The following LORICRIN variants were observed in gnomAD, a reference collection of about 807,000 sequenced individuals.
LORICRIN encodes loricrin cornified envelope precursor protein.
Under a neutral mutation model 3.3 loss-of-function variants are expected in LORICRIN, and 5 were observed. The ratio of observed to expected loss-of-function variants is 1.52; its 90% CI spans 0.79 to 3.19. LORICRIN has a LOEUF of 3.19. LORICRIN is among the 30% of genes most tolerant of loss of function. The pLI is 0.00. For missense variants in LORICRIN, 524 were observed against 460.2 expected, an observed-to-expected ratio of 1.14 and a Z score of -1.27; for synonymous variants, 237 against 231.4, an observed-to-expected ratio of 1.02 and a Z score of -0.22.
Position 153,261,712 on chromosome 1 carries a change from G to A in LORICRIN, c.763G>A (p.Gly255Ser), listed in dbSNP as rs769886857. Residue 255 changes from glycine (G) to serine (S), a missense_variant, in exon 2 of 2, where the codon GGC becomes AGC. Gly to Ser is a moderately conservative substitution (Grantham distance 56). Transcript: ENST00000368742. ...GGGGSSGCGGGSSGIGSGCII... is the reference protein window; with the variant it reads ...GGGGSSGCGGSSSGIGSGCII... ...CGGCGGGAGCTCCGGCTGCGGCGGCGGCTCCTCCGGGATTGGCAGCGGCTG... is the reference window on the plus strand; with the variant it reads ...CGGCGGGAGCTCCGGCTGCGGCGGCAGCTCCTCCGGGATTGGCAGCGGCTG... 3.2e-6 allele frequency: 5 copies of A among 1,539,520 alleles called. No individual in the cohort carries two copies. Among genetic ancestry groups the A allele is most frequent in the South Asian group, 2.4e-5 (2 of 82,082 alleles).
chr1:153,261,713 G>C lies in LORICRIN; in HGVS notation c.764G>C (p.Gly255Ala), dbSNP rs1320701605. ...GGCGGGAGCTCCGGCTGCGGCGGCG[G>C]CTCCTCCGGGATTGGCAGCGGCTGC... ...GGGGSSGCGG[G>A]SSGIGSGCII... Residue 255 changes from glycine to alanine, a missense_variant, in exon 2 of 2, where the codon GGC becomes GCC. Coordinates refer to ENST00000368742, the MANE Select transcript of LORICRIN (RefSeq NM_000427.3). 2 of 1,543,910 alleles carry C rather than the reference G, an allele frequency of 1.3e-6. No homozygotes were observed. The highest frequency in any genetic ancestry group is 1.7e-6 in the Non-Finnish European group (2 of 1,155,488).
In LORICRIN at chr1:153,261,193, G is replaced by A; in HGVS notation, c.244G>A (p.Gly82Arg). ...GGGGGIGGCG[G>R]GSGGSVKYSG... ...CGGGGGCGGCATTGGAGGCTGCGGA[G>A]GGGGCTCCGGTGGGAGCGTCAAGTA... Residue 82 changes from glycine (G) to arginine (R), a missense_variant, in exon 2 of 2, where the codon GGG becomes AGG. Physicochemically the swap from Gly to Arg is moderately radical, Grantham distance 125 (BLOSUM62 -2). Coordinates refer to ENST00000368742, the MANE Select transcript of LORICRIN (RefSeq NM_000427.3). 1 of 1,338,644 alleles carries A rather than the reference G, an allele frequency of 7.5e-7. No homozygotes were observed. The highest frequency in any genetic ancestry group is 1.8e-5 in the South Asian group (1 of 55,680). The allele number at this position is 1,338,644 out of a possible 1,614,324, so 82.9% of individuals were successfully genotyped here. A position where few individuals can be genotyped will look rare whatever the true frequency, so the allele number is the denominator to read the frequency against.
chr1:153,260,668 C>G (rs1658744808), intron 1 of LORICRIN, among the ~76,000 whole-genome samples: 1 of 152,186 alleles, frequency 6.6e-6, no homozygotes. Context: ...GCCCTCAAAT[C>G]ACACAACAGT....
At position 153,261,883 on chromosome 1, in the gene LORICRIN, A is replaced by G; in HGVS notation, c.934A>G (p.Lys312Glu). 3 of 1,611,098 alleles carry G rather than the reference A, an allele frequency of 1.9e-6. 1 individual carries two copies. Among genetic ancestry groups the G allele is most frequent in the South Asian group, 2.2e-5 (2 of 90,524 alleles). Reference sequence around the variant, plus strand: ...GAAGCAGGCGCCTACCTGGCCGTCCAAATAGATCCCCCAGGGTACCACGGA... The same window carrying G: ...GAAGCAGGCGCCTACCTGGCCGTCCGAATAGATCCCCCAGGGTACCACGGA... ...QQKQAPTWPS[K>E] Residue 312 changes from lysine (K) to glutamate (E), a missense_variant, in exon 2 of 2, where the codon AAA becomes GAA. Transcript: ENST00000368742.
rs1273657847 is a variant in LORICRIN at position 153,261,405 on chromosome 1, G to C, written c.456G>C (p.Ser152=). ...TCTCCTCCGGCGGCGGCGGCTTCTC[G>C]GGCCAGGCGGTCCAGTGCCAGAGCT... ...GCFSSGGGGF[S]GQAVQCQSYG... is the part of the protein sequence containing the mutation. The change falls in exon 2 of 2, where the codon TCG becomes TCC. Residue 152 remains serine (S), a synonymous_variant. Coordinates refer to ENST00000368742, the MANE Select transcript of LORICRIN (RefSeq NM_000427.3). The C allele has an allele frequency of 2.2e-5, 32 of 1,423,232 alleles. No individual in the cohort carries two copies. The highest frequency in any genetic ancestry group is 2.3e-4 in the Middle Eastern group (1 of 4,336). 88.2% of individuals were successfully genotyped at this position (1,423,232 alleles called of 1,614,324 possible).
chr1:153,261,327 C>T lies in LORICRIN; in HGVS notation c.378C>T (p.Ser126=), dbSNP rs1658779886. Residue 126 remains serine (S), a synonymous_variant, in exon 2 of 2, where the codon TCC becomes TCT. Transcript: ENST00000368742. ...GCGGCGGCTCCTCCGGGGGCGGCTC[C>T]GGCTGCTTCTCCAGCGGTGGGGGCG... ...SGGGGSSGGG[S]GCFSSGGGGS... The T allele has an allele frequency of 2.7e-6, 4 of 1,467,164 alleles. No homozygotes were observed. Among genetic ancestry groups the T allele is most frequent in the South Asian group, 2.6e-5 (2 of 76,142 alleles). 90.9% of individuals were successfully genotyped at this position (1,467,164 alleles called of 1,614,324 possible).
chr1:153,261,048 C>T lies in LORICRIN; in HGVS notation c.99C>T (p.Gly33=). The T allele has an allele frequency of 1.3e-6, 2 of 1,544,954 alleles. No homozygotes were observed. Among genetic ancestry groups the T allele is most frequent in the Non-Finnish European group, 8.8e-7 (1 of 1,141,034 alleles). The stretch of plus-strand genomic sequence containing the variant: ...GTGGCGGCGGCAGCGGCGGTGGTGG[C>T]TGCGGCTTCTTCGGCGGCGGCGGCT... ...GGGGGGSGGG[G]CGFFGGGGSG... Residue 33 remains glycine (G), a synonymous_variant, in exon 2 of 2, where the codon GGC becomes GGT. Transcript: ENST00000368742.
In LORICRIN at chr1:153,261,304, G is replaced by T; in HGVS notation, c.355G>T (p.Gly119Cys). ...GGSGCFSSGG[G>C]GSSGGGSGCF... ...CTCCGGCTGCTTCTCCTCCGGTGGCGGCGGCTCCTCCGGGGGCGGCTCCGG... is the reference window on the plus strand; with the variant it reads ...CTCCGGCTGCTTCTCCTCCGGTGGCTGCGGCTCCTCCGGGGGCGGCTCCGG... Residue 119 changes from glycine (G) to cysteine (C), a missense_variant, in exon 2 of 2, where the codon GGC becomes TGC. Coordinates refer to ENST00000368742, the MANE Select transcript of LORICRIN (RefSeq NM_000427.3). 6.2e-6 allele frequency: 9 copies of T among 1,454,180 alleles called. No homozygotes were observed. Among genetic ancestry groups the T allele is most frequent in the Non-Finnish European group, 8.1e-6 (9 of 1,112,240 alleles). 90.1% of individuals were successfully genotyped at this position (1,454,180 alleles called of 1,614,324 possible). A position where few individuals can be genotyped will look rare whatever the true frequency, so the allele number is the denominator to read the frequency against.
Position 153,261,145 on chromosome 1 carries a change from G to A in LORICRIN, c.196G>A (p.Gly66Arg). Residue 66 changes from glycine to arginine, a missense_variant, in exon 2 of 2, where the codon GGG becomes AGG. Transcript: ENST00000368742. ...GGGYSGGGCG[G>R]GSSGGGGGGG... ...TGGCTACTCTGGCGGCGGCTGCGGC[G>A]GGGGCTCCTCCGGCGGCGGGGGCGG... 7.4e-7 allele frequency: 1 copy of A among 1,343,932 alleles called. No homozygotes were observed. The highest frequency in any genetic ancestry group is 9.5e-7 in the Non-Finnish European group (1 of 1,057,930). The allele number at this position is 1,343,932 out of a possible 1,614,324, so 83.3% of individuals were successfully genotyped here. A position where few individuals can be genotyped will look rare whatever the true frequency, so the allele number is the denominator to read the frequency against.
chr1:153,261,225 A>T lies in LORICRIN; in HGVS notation c.276A>T (p.Gly92=), dbSNP rs1143390. ...GGSGGSVKYS[G]GGGSSGGGSG... ...CCGGTGGGAGCGTCAAGTACTCCGG[A>T]GGCGGCGGCTCCTCCGGCGGGGGCT... The change falls in exon 2 of 2, where the codon GGA becomes GGT. Residue 92 remains glycine (G), a synonymous_variant. Coordinates refer to ENST00000368742, the MANE Select transcript of LORICRIN (RefSeq NM_000427.3). 6.6e-6 allele frequency: 9 copies of T among 1,371,672 alleles called. No homozygotes were observed. Among genetic ancestry groups the T allele is most frequent in the South Asian group, 3.3e-5 (2 of 59,794 alleles). The allele number at this position is 1,371,672 out of a possible 1,614,324, so 85.0% of individuals were successfully genotyped here.
rs1480405039 is a variant in LORICRIN at position 153,261,032 on chromosome 1, G to T, written c.83G>T (p.Gly28Val). 4.6e-6 allele frequency: 7 copies of T among 1,507,780 alleles called. No individual in the cohort carries two copies. Among genetic ancestry groups the T allele is most frequent in the Non-Finnish European group, 6.3e-6 (7 of 1,104,146 alleles). The allele number at this position is 1,507,780 out of a possible 1,614,324, so 93.4% of individuals were successfully genotyped here. Residue 28 changes from glycine (G) to valine (V), a missense_variant, in exon 2 of 2, where the codon GGC becomes GTC. Coordinates refer to ENST00000368742, the MANE Select transcript of LORICRIN (RefSeq NM_000427.3). The part of the protein sequence containing the change: ...KTSGGGGGGG[G>V]SGGGGCGFFG... ...TCTGGCGGCGGTGGCGGTGGCGGCGGCAGCGGCGGTGGTGGCTGCGGCTTC... is the reference window on the plus strand; with the variant it reads ...TCTGGCGGCGGTGGCGGTGGCGGCGTCAGCGGCGGTGGTGGCTGCGGCTTC...
chr1:153,261,983 A>C lies in LORICRIN; in HGVS notation c.*95A>C, dbSNP rs550067787. ...CTCATGATGCTACCCGAGGTTTGCA[A>C]ATCCTTCATGTCTTAACCTACCTGG... On this transcript the variant is annotated 3_prime_UTR_variant, in exon 2 of 2. Coordinates refer to ENST00000368742, the MANE Select transcript of LORICRIN (RefSeq NM_000427.3). 2 of 1,312,984 alleles carry C rather than the reference A, an allele frequency of 1.5e-6. No homozygotes were observed. The highest frequency in any genetic ancestry group is 1.5e-5 in the African/African-American group (1 of 68,518). 81.3% of individuals were successfully genotyped at this position (1,312,984 alleles called of 1,614,324 possible).
In LORICRIN at chr1:153,261,751, G is replaced by A. The variant is rs533207246; in HGVS notation, c.802G>A (p.Gly268Arg). 2.2e-5 allele frequency: 34 copies of A among 1,575,714 alleles called. No individual in the cohort carries two copies. Among genetic ancestry groups the A allele is most frequent in the Non-Finnish European group, 2.7e-5 (32 of 1,165,506 alleles). Reference sequence around the variant, plus strand: ...TGGCAGCGGCTGCATCATCAGTGGCGGGGGCTCCGTCTGCGGAGGTGGTTC... The same window carrying A: ...TGGCAGCGGCTGCATCATCAGTGGCAGGGGCTCCGTCTGCGGAGGTGGTTC... The part of the protein sequence containing the change: ...GIGSGCIISG[G>R]GSVCGGGSSG... Residue 268 changes from glycine to arginine, a missense_variant, in exon 2 of 2, where the codon GGG becomes AGG. Coordinates refer to ENST00000368742, the MANE Select transcript of LORICRIN (RefSeq NM_000427.3).
Position 153,261,700 on chromosome 1 carries a change from G to A in LORICRIN, c.751G>A (p.Gly251Ser). Residue 251 changes from glycine to serine, a missense_variant, in exon 2 of 2, where the codon GGC (glycine) becomes AGC (serine). Physicochemically the swap from Gly to Ser is moderately conservative, Grantham distance 56. Coordinates refer to ENST00000368742, the MANE Select transcript of LORICRIN (RefSeq NM_000427.3). The part of the protein sequence containing the change: ...FSSGGGGGSS[G>S]CGGGSSGIGS... ...CAGCGGCGGGGGCGGCGGGAGCTCC[G>A]GCTGCGGCGGCGGCTCCTCCGGGAT... 1 of 1,510,098 alleles carries A rather than the reference G, an allele frequency of 6.6e-7. No homozygotes were observed. Among genetic ancestry groups the A allele is most frequent in the Non-Finnish European group, 8.8e-7 (1 of 1,139,528 alleles). 93.5% of individuals were successfully genotyped at this position (1,510,098 alleles called of 1,614,324 possible).
rs867823487 is a variant in LORICRIN at position 153,261,632 on chromosome 1, G to T, written c.683G>T (p.Gly228Val). ...GCGCCCCAGCCGAGTTACGGAGGGGGGTCGTCCGGCGGCGGCGGCAGCGGC... is the reference window on the plus strand; with the variant it reads ...GCGCCCCAGCCGAGTTACGGAGGGGTGTCGTCCGGCGGCGGCGGCAGCGGC... ...SCAPQPSYGG[G>V]SSGGGGSGGS... The change falls in exon 2 of 2, where the codon GGG (glycine) becomes GTG (valine). Residue 228 changes from glycine (G) to valine (V), a missense_variant. Transcript: ENST00000368742. The T allele has an allele frequency of 6.6e-7, 1 of 1,508,548 alleles. No individual in the cohort carries two copies. Among genetic ancestry groups the T allele is most frequent in the South Asian group, 1.2e-5 (1 of 81,872 alleles). The allele number at this position is 1,508,548 out of a possible 1,614,324, so 93.4% of individuals were successfully genotyped here.
Position 153,261,523 on chromosome 1 carries a change from G to T in LORICRIN, c.574G>T (p.Gly192Cys). Residue 192 changes from glycine (G) to cysteine (C), a missense_variant, in exon 2 of 2, where the codon GGC (glycine) becomes TGC (cysteine). Transcript: ENST00000368742. ...CGGCTCTGTCTGCGGCTACTCTGGCGGCGGCTCTGGCTGCGGCGGAGGCTC... is the reference window on the plus strand; with the variant it reads ...CGGCTCTGTCTGCGGCTACTCTGGCTGCGGCTCTGGCTGCGGCGGAGGCTC... The part of the protein sequence containing the change: ...GGGSVCGYSG[G>C]GSGCGGGSSG... The T allele has an allele frequency of 6.6e-7, 1 of 1,506,850 alleles. No homozygotes were observed. The highest frequency in any genetic ancestry group is 8.8e-7 in the Non-Finnish European group (1 of 1,133,366). 93.3% of individuals were successfully genotyped at this position (1,506,850 alleles called of 1,614,324 possible). A position where few individuals can be genotyped will look rare whatever the true frequency, so the allele number is the denominator to read the frequency against.
At position 153,261,081 on chromosome 1, in the gene LORICRIN, C is replaced by A; in HGVS notation, c.132C>A (p.Gly44=). Residue 44 remains glycine, a synonymous_variant, in exon 2 of 2, where the codon GGC becomes GGA. Transcript: ENST00000368742. ...CGFFGGGGSG[G]GSSGSGCGYS... The stretch of plus-strand genomic sequence containing the variant: ...TCTTCGGCGGCGGCGGCTCAGGGGG[C>A]GGTAGCAGCGGTTCTGGCTGCGGCT... 1 of 1,488,836 alleles carries A rather than the reference C, an allele frequency of 6.7e-7. No homozygotes were observed. Among genetic ancestry groups the A allele is most frequent in the Non-Finnish European group, 9.0e-7 (1 of 1,117,282 alleles). 92.2% of individuals were successfully genotyped at this position (1,488,836 alleles called of 1,614,324 possible). A position where few individuals can be genotyped will look rare whatever the true frequency, so the allele number is the denominator to read the frequency against.
rs927158751 is a variant in LORICRIN at position 153,261,045 on chromosome 1, T to A, written c.96T>A (p.Gly32=). 5 of 1,532,158 alleles carry A rather than the reference T, an allele frequency of 3.3e-6. No homozygotes were observed. The highest frequency in any genetic ancestry group is 4.4e-6 in the Non-Finnish European group (5 of 1,134,386). The allele number at this position is 1,532,158 out of a possible 1,614,324, so 94.9% of individuals were successfully genotyped here. A position where few individuals can be genotyped will look rare whatever the true frequency, so the allele number is the denominator to read the frequency against. Residue 32 remains glycine, a synonymous_variant, in exon 2 of 2, where the codon GGT becomes GGA. Transcript: ENST00000368742. Reference sequence around the variant, plus strand: ...GCGGTGGCGGCGGCAGCGGCGGTGGTGGCTGCGGCTTCTTCGGCGGCGGCG... The same window carrying A: ...GCGGTGGCGGCGGCAGCGGCGGTGGAGGCTGCGGCTTCTTCGGCGGCGGCG... ...GGGGGGGSGG[G]GCGFFGGGGS...
At position 153,261,668 on chromosome 1, in the gene LORICRIN, G is replaced by A. The variant is rs1029336087; in HGVS notation, c.719G>A (p.Cys240Tyr). 8.5e-6 allele frequency: 13 copies of A among 1,522,006 alleles called. No homozygotes were observed. The highest frequency in any genetic ancestry group is 2.1e-5 in the Admixed American group (1 of 48,348). The allele number at this position is 1,522,006 out of a possible 1,614,324, so 94.3% of individuals were successfully genotyped here. ...GGCGGCGGCAGCGGCGGAAGCGGCT[G>A]CTTCTCCAGCGGCGGGGGCGGCGGG... ...SGGGGSGGSG[C>Y]FSSGGGGGSS... is the part of the protein sequence containing the mutation. The change falls in exon 2 of 2, where the codon TGC becomes TAC. Residue 240 changes from cysteine to tyrosine, a missense_variant. Coordinates refer to ENST00000368742, the MANE Select transcript of LORICRIN (RefSeq NM_000427.3).
Sources: allele counts gnomAD v4.1 joint callset (sites outside exome capture counted in the v4.1 genomes callset), GRCh38; gene constraint gnomAD v4.1.1; transcripts MANE v1.5; gene names NCBI Gene and HGNC (gene_info 2026-07-23, HGNC 2026-07-21).